The following KIF5A variants were observed in gnomAD, a reference collection of about 807,000 sequenced individuals.
KIF5A encodes kinesin heavy chain isoform 5A.
KIF5A carries 35 observed loss-of-function variants against 141.3 expected under a neutral mutation model. That is an observed-to-expected ratio of 0.25 (90% CI 0.19 to 0.33). KIF5A has a LOEUF of 0.33. Ranked by LOEUF, KIF5A falls within the 10% of genes least tolerant of loss-of-function variation. KIF5A has a pLI of 1.00. For missense variants in KIF5A, 861 were observed against 1,314.3 expected (o/e 0.66, Z 5.33); for synonymous variants, 448 against 500.2 (o/e 0.90, Z 1.39).
intron 1 of KIF5A, among the ~76,000 whole-genome samples, chr12:57,562,119 TGTAA>T (rs1257243532): frequency 6.6e-6 from 1 of 152,230 alleles, no homozygotes; most frequent in East Asian, 1.9e-4. Flanking sequence ...CTTCCTAAGT[TGTAA>T]GTATTTTGTG....
Position 57,572,085 on chromosome 12 carries a change from A to G in KIF5A, c.1387A>G (p.Asn463Asp). 1 of 1,613,830 alleles carries G rather than the reference A, an allele frequency of 6.2e-7. No individual in the cohort carries two copies. The part of the protein sequence containing the change: ...EELLVSTRGD[N>D]EKVQRELSHL... ...GCTGCTGGTGTCCACCCGAGGAGACAACGAGAAGGTCCAGCGGGAGCTGAG... is the reference window on the plus strand; with the variant it reads ...GCTGCTGGTGTCCACCCGAGGAGACGACGAGAAGGTCCAGCGGGAGCTGAG... The change falls in exon 14 of 29, where the codon AAC becomes GAC. Residue 463 changes from asparagine to aspartate, a missense_variant. Transcript: ENST00000455537. The surrounding 1 kb of genome is among the most constrained non-coding windows in gnomAD (Gnocchi z 4.2).
chr12:57,578,214 G>A (rs1882486286), intron 22 of KIF5A, 24 bp from the exon 23 acceptor site: 15 of 1,606,264 alleles, frequency 9.3e-6, no homozygotes, highest in Middle Eastern at 1.7e-4. Flanking sequence ...GGACAGCCAC[G>A]TCTTTCCTTC....
At chr12:57,552,202 T>C (rs1881598443) in intron 1 of KIF5A, among the ~76,000 whole-genome samples, 1 of 151,558 alleles carries the variant, frequency 6.6e-6, no homozygotes, top group South Asian at 2.1e-4. Context: ...TCTGGGAGGT[T>C]TTTCCAGTAA....
In KIF5A at chr12:57,569,733, T is replaced by C. The variant is rs746168888; in HGVS notation, c.1117+50T>C. The C allele has an allele frequency of 2.9e-5, 46 of 1,603,874 alleles. No homozygotes were observed. In the East Asian group the frequency reaches 4.9e-4, roughly 17 times the overall value. On this transcript the variant is annotated intron_variant, in intron 11 of 28. Transcript: ENST00000455537. The stretch of plus-strand genomic sequence containing the variant: ...AGGGGCAGTGGGAAGAGGAGGAGGA[T>C]GTTTGGGAGCCAACTCTGTTTGGGT...
intron 1 of KIF5A, among the ~76,000 whole-genome samples, chr12:57,558,936 C>G (rs993710140): frequency 2.0e-5 from 3 of 152,068 alleles, no homozygotes; most frequent in Admixed American, 6.6e-5. Flanking sequence ...GCCACCACAC[C>G]TGGCTATTTT....
At chr12:57,582,663 G>T (rs560587617) in intron 27 of KIF5A, 34 bp downstream of exon 27, 12 of 1,560,296 alleles carry the variant, frequency 7.7e-6, no homozygotes, top group African/African-American at 2.7e-5. Context: ...GGGTTCTCTG[G>T]GTGGGACCAG....
In KIF5A at chr12:57,572,523, G is replaced by A; in HGVS notation, c.1570-57G>A. 1.9e-6 allele frequency: 3 copies of A among 1,611,892 alleles called. No individual in the cohort carries two copies. The highest frequency in any genetic ancestry group is 1.7e-6 in the Non-Finnish European group (2 of 1,178,820). On this transcript the variant is annotated intron_variant, in intron 14 of 28. Coordinates refer to ENST00000455537, the MANE Select transcript of KIF5A (RefSeq NM_004984.4). The surrounding 1 kb of genome is among the most constrained non-coding windows in gnomAD (Gnocchi z 4.2). ...GCATGAAGGGAGAGGCCTCTGCCTG[G>A]GCTGGGCAAGGGAGCAGGAGGATGG...
intron 23 of KIF5A, among the ~76,000 whole-genome samples, chr12:57,578,920 C>T (rs1236042028): frequency 5.3e-5 from 8 of 152,048 alleles, no homozygotes; most frequent in African/African-American, 1.2e-4. Flanking sequence ...AAAAATTAGC[C>T]GGATGTGGTG....
At position 57,558,215 on chromosome 12, in the gene KIF5A, A is replaced by G. The variant is rs184379257; in HGVS notation, c.130-5224A>G. ...AGGTCAGGAGTTCGAGACCAGCCTG[A>G]CCAACATGGTGAAACCCCATCTCTA... On this transcript the variant is annotated intron_variant, in intron 1 of 28. Transcript: ENST00000455537. Among the ~76,000 whole-genome samples the G allele has an allele frequency of 2.9e-3, 409 of 140,210 alleles. 13 individuals carry two copies. In the East Asian group the frequency reaches 0.056, roughly 19 times the overall value. 92.0% of individuals were successfully genotyped at this position (140,210 alleles called of 152,430 possible).
In KIF5A at chr12:57,550,211, T is replaced by G. The variant is rs762571585; in HGVS notation, c.-61T>G. On this transcript the variant is annotated 5_prime_UTR_variant, in exon 1 of 29. Coordinates refer to ENST00000455537, the MANE Select transcript of KIF5A (RefSeq NM_004984.4). The surrounding 1 kb of genome is among the most constrained non-coding windows in gnomAD (Gnocchi z 4.6). ...TCGGCCTCTGCTGAGAGCCCTCTCC[T>G]CTGGAGCACACACCACCCCTGCAGC... 1.2e-6 allele frequency: 2 copies of G among 1,610,996 alleles called. No homozygotes were observed. Among genetic ancestry groups the G allele is most frequent in the Non-Finnish European group, 1.7e-6 (2 of 1,179,148 alleles).
At chr12:57,553,978 G>C (rs1346732738) in intron 1 of KIF5A, among the ~76,000 whole-genome samples, 1 of 152,160 alleles carries the variant, frequency 6.6e-6, no homozygotes, top group Non-Finnish European at 1.5e-5. Flanking sequence ...GAGGTAGAGA[G>C]GGTGGGTGGC....
At chr12:57,580,520 C>T (rs1407917711) in intron 23 of KIF5A, among the ~76,000 whole-genome samples, 1 of 152,180 alleles carries the variant, frequency 6.6e-6, no homozygotes, top group Non-Finnish European at 1.5e-5. Context: ...GCTACTGTGC[C>T]CTTGCTGCCC....
chr12:57,550,483 G>T lies in KIF5A; in HGVS notation c.129+83G>T. 1.4e-6 allele frequency: 2 copies of T among 1,443,340 alleles called. No individual in the cohort carries two copies. The highest frequency in any genetic ancestry group is 3.5e-5 in the Admixed American group (2 of 57,072). The allele number at this position is 1,443,340 out of a possible 1,614,324, so 89.4% of individuals were successfully genotyped here. ...CCCCGCAGAGCCTTAGTCTCTGCTGGTCCCTTTGCTCCCCCTCCCCGCCGC... is the reference window on the plus strand; with the variant it reads ...CCCCGCAGAGCCTTAGTCTCTGCTGTTCCCTTTGCTCCCCCTCCCCGCCGC... On this transcript the variant is annotated intron_variant, in intron 1 of 28. Transcript: ENST00000455537. This position sits in a 1 kb window ranked among gnomAD's most constrained non-coding sequence, Gnocchi z 4.6.
rs368682948 is a variant in KIF5A at position 57,573,809 on chromosome 12, CAA to C, written c.1716+1084_1716+1085del. 3.6e-3 allele frequency among the ~76,000 whole-genome samples: 441 copies of C among 121,424 alleles called. 19 individuals carry two copies. The East Asian group carries it at 0.077, about 21-fold the overall frequency. 79.7% of individuals were successfully genotyped at this position (121,424 alleles called of 152,430 possible). On this transcript the variant is annotated intron_variant, in intron 15 of 28. Transcript: ENST00000455537. ...CACCATTGCACTCCAGCCTGGGCAACAAGAGTGAAACTCCGTCTCAAAAAAAA... is the reference window on the plus strand; with the variant it reads ...CACCATTGCACTCCAGCCTGGGCAACGAGTGAAACTCCGTCTCAAAAAAAA...
chr12:57,561,157 A>G (rs1309915620), intron 1 of KIF5A, among the ~76,000 whole-genome samples: 1 of 152,014 alleles, frequency 6.6e-6, no homozygotes, highest in African/African-American at 2.4e-5. Context: ...CTCCCATCTC[A>G]GCCTCCTGAG....
At chr12:57,559,598 T>C (rs1369229645) in intron 1 of KIF5A, among the ~76,000 whole-genome samples, 4 of 152,188 alleles carry the variant, frequency 2.6e-5, no homozygotes, top group Admixed American at 6.5e-5. Context: ...ATAAATTTTA[T>C]GACATATGTA....
chr12:57,572,022 G>T lies in KIF5A; in HGVS notation c.1363-39G>T. On this transcript the variant is annotated intron_variant, in intron 13 of 28. Coordinates refer to ENST00000455537, the MANE Select transcript of KIF5A (RefSeq NM_004984.4). The surrounding 1 kb of genome is among the most constrained non-coding windows in gnomAD (Gnocchi z 4.2). Reference sequence around the variant, plus strand: ...CCCAAGGCCATAGAAATGGTCACTGGCAGTGATCTTTCCCACATGCCACTC... The same window carrying T: ...CCCAAGGCCATAGAAATGGTCACTGTCAGTGATCTTTCCCACATGCCACTC... The T allele has an allele frequency of 3.2e-6, 5 of 1,561,334 alleles. No individual in the cohort carries two copies. Among genetic ancestry groups the T allele is most frequent in the Non-Finnish European group, 4.4e-6 (5 of 1,136,566 alleles).
chr12:57,554,405 A>G (rs1057382423), intron 1 of KIF5A, among the ~76,000 whole-genome samples: 4 of 152,212 alleles, frequency 2.6e-5, no homozygotes, highest in African/African-American at 7.2e-5. Flanking sequence ...AGAGTTAGAT[A>G]TTATCACTAT....
rs1161979577 is a variant in KIF5A, at chr12:57,575,263, C to A, written c.1896C>A (p.Leu632=). The A allele has an allele frequency of 3.1e-6, 5 of 1,613,130 alleles. No homozygotes were observed. The highest frequency in any genetic ancestry group is 1.7e-5 in the Admixed American group (1 of 59,826). ...TGRELSSCQL[L]ISQHEAKIRS... is the part of the protein sequence containing the mutation. ...GGGAGCTCTCATCCTGCCAGCTCCT[C>A]ATCTCTCAGGTGAGTGCCTAAGTTT... The change falls in exon 16 of 29, where the codon CTC becomes CTA. Residue 632 remains leucine (L), a synonymous_variant. Transcript: ENST00000455537.
Sources: gnomAD v4.1 joint callset for allele counts (sites outside exome capture counted in the v4.1 genomes callset) on GRCh38, gnomAD v4.1.1 for gene constraint, Gnocchi (gnomAD v3.1) non-coding constraint, MANE v1.5 for transcripts, NCBI Gene and HGNC (gene_info 2026-07-23, HGNC 2026-07-21) for gene names.